The following RXRA variants were observed in gnomAD, a reference collection of about 807,000 sequenced individuals.
The protein encoded by RXRA is retinoic acid receptor RXR-alpha.
RXRA carries 5 observed loss-of-function variants against 44.5 expected under a neutral mutation model. The ratio of observed to expected loss-of-function variants is 0.11; its 90% confidence interval spans 0.06 to 0.24. The LOEUF is 0.24. RXRA is among the 10% of genes least tolerant of loss of function. The pLI is 1.00. For synonymous variants in RXRA, 291 were observed against 271.4 expected (o/e 1.07, Z -0.71); for missense variants, 412 against 646.5 (o/e 0.64, Z 3.93).
chr9:134,404,253 G>A (rs1293458067), intron 2 of RXRA: 2 of 152,336 alleles, frequency 1.3e-5, no homozygotes, highest in Non-Finnish European at 2.9e-5. Flanking sequence ...TGGCCAGGAA[G>A]GGCCTTCCAT....
chr9:134,384,655 A>G (rs967732269), intron 1 of RXRA, among the ~76,000 whole-genome samples: 1 of 152,094 alleles, frequency 6.6e-6, no homozygotes, highest in African/African-American at 2.4e-5. Context: ...CTGGAGGAAG[A>G]GGCTGCGGTG....
chr9:134,399,212 T>C (rs1013174587), intron 1 of RXRA, among the ~76,000 whole-genome samples: 5 of 152,234 alleles, frequency 3.3e-5, no homozygotes, highest in Admixed American at 2.6e-4. Context: ...GGCAGCCATG[T>C]GGCATTCCCA....
chr9:134,429,352 C>T, intron 7 of RXRA, 112 bp downstream of exon 7: 1 of 1,127,060 alleles, frequency 8.9e-7, no homozygotes. Flanking sequence ...TATTTCAGTG[C>T]ATGAAGGGTG....
chr9:134,396,464 GA>G (rs1484714942), intron 1 of RXRA, among the ~76,000 whole-genome samples: 1 of 152,080 alleles, frequency 6.6e-6, no homozygotes, highest in Non-Finnish European at 1.5e-5. Context: ...GGTGATCCAG[GA>G]AGCTCTGAGG....
intron 1 of RXRA, among the ~76,000 whole-genome samples, chr9:134,362,721 C>A (rs867250075): frequency 2.6e-5 from 4 of 152,230 alleles, no homozygotes; most frequent in Non-Finnish European, 2.9e-5. Flanking sequence ...CCAGCAAGGC[C>A]CCCACGAGTG....
At chr9:134,423,473 G>C in intron 6 of RXRA, 2 of 985,468 alleles carry the variant, frequency 2.0e-6, no homozygotes, top group African/African-American at 3.5e-5. Context: ...GGAATGTTCT[G>C]GAAGTTGCTT....
At chr9:134,344,557 G>T (rs1830126985) in intron 1 of RXRA, among the ~76,000 whole-genome samples, 1 of 152,106 alleles carries the variant, frequency 6.6e-6, no homozygotes, top group South Asian at 2.1e-4. Context: ...CCCAACAGGA[G>T]GTTGGGACGG....
intron 1 of RXRA, among the ~76,000 whole-genome samples, chr9:134,335,324 G>A (rs1554747153): frequency 2.6e-5 from 4 of 152,224 alleles, no homozygotes; most frequent in Admixed American, 2.6e-4. Flanking sequence ...GGGGAGGTCA[G>A]GGAAGCTTCA....
chr9:134,400,077 G>GTGCT (rs1228541442), intron 1 of RXRA, among the ~76,000 whole-genome samples: 1 of 152,268 alleles, frequency 6.6e-6, no homozygotes, highest in Middle Eastern at 3.2e-3. Flanking sequence ...GGTAAGAAGA[G>GTGCT]TGCTGGCTTT....
chr9:134,416,488 G>T (rs1588299120), intron 4 of RXRA, among the ~76,000 whole-genome samples: 1 of 152,208 alleles, frequency 6.6e-6, no homozygotes, highest in Non-Finnish European at 1.5e-5. Context: ...CCTGCATGGG[G>T]CATGGTCGGT....
At position 134,349,634 on chromosome 9, in the gene RXRA, C is replaced by T. The variant is rs1830197292; in HGVS notation, c.28+22975C>T. Among the ~76,000 whole-genome samples the T allele has an allele frequency of 6.6e-6, 1 of 152,192 alleles. No individual in the cohort carries two copies. Among genetic ancestry groups the T allele is most frequent in the African/African-American group, 2.4e-5 (1 of 41,452 alleles). ...CATGAGTGGGTGACATCAGGAGACC[C>T]CGCATCAGGCAAGGTTACCTGTGTG... On this transcript the variant is annotated intron_variant, in intron 1 of 9. Transcript: ENST00000481739. The surrounding 1 kb of genome is among the most constrained non-coding windows in gnomAD (Gnocchi z 4.3).
chr9:134,434,317 GC>G, intron 9 of RXRA, 110 bp downstream of exon 9: 1 of 761,374 alleles, frequency 1.3e-6, no homozygotes, highest in Non-Finnish European at 2.2e-6. Flanking sequence ...CCCTCCCCAG[GC>G]CCAGCCCATG....
At chr9:134,359,464 C>T (rs766993028) in intron 1 of RXRA, among the ~76,000 whole-genome samples, 3 of 152,184 alleles carry the variant, frequency 2.0e-5, no homozygotes, top group Non-Finnish European at 2.9e-5. Flanking sequence ...TCCTCTCCAC[C>T]GGGTGCGCCC....
At chr9:134,425,072 AG>A (rs1831410105) in intron 6 of RXRA, 2 of 985,446 alleles carry the variant, frequency 2.0e-6, no homozygotes, top group Non-Finnish European at 2.4e-6. Context: ...TTGGCCATGC[AG>A]GTTCAAGGCC....
At chr9:134,399,685 C>T (rs1474552512) in intron 1 of RXRA, among the ~76,000 whole-genome samples, 1 of 152,220 alleles carries the variant, frequency 6.6e-6, no homozygotes, top group African/African-American at 2.4e-5. Flanking sequence ...TTCCTTAAGT[C>T]TGCATTTTTA....
At chr9:134,367,748 G>A (rs1213294667) in intron 1 of RXRA, among the ~76,000 whole-genome samples, 2 of 152,172 alleles carry the variant, frequency 1.3e-5, no homozygotes, top group Non-Finnish European at 2.9e-5. Context: ...GCTCCCCCTC[G>A]GGTGGGGGGT....
rs1182601052 is a variant in RXRA, at chr9:134,440,105, C to A, written c.*3491C>A. On this transcript the variant is annotated 3_prime_UTR_variant, in exon 10 of 10. Transcript: ENST00000481739. ...ATCTGGAAAGGTAAAAAAAAAAAATCTATTTTTGTACAAATGTAATTTTAT... is the reference window on the plus strand; with the variant it reads ...ATCTGGAAAGGTAAAAAAAAAAAATATATTTTTGTACAAATGTAATTTTAT... The A allele has an allele frequency of 2.6e-5, 4 of 152,166 alleles. No individual in the cohort carries two copies. Among genetic ancestry groups the A allele is most frequent in the African/African-American group, 4.8e-5 (2 of 41,428 alleles). 9.4% of individuals were successfully genotyped at this position (152,166 alleles called of 1,614,324 possible). A position where few individuals can be genotyped will look rare whatever the true frequency, so the allele number is the denominator to read the frequency against.
intron 4 of RXRA, among the ~76,000 whole-genome samples, chr9:134,415,109 G>A (rs945924250): frequency 6.6e-6 from 1 of 152,252 alleles, no homozygotes; most frequent in Non-Finnish European, 1.5e-5. Flanking sequence ...TCCTCTGCCT[G>A]GTTGGTGTAT....
chr9:134,328,319 G>A (rs1412828998), intron 1 of RXRA, among the ~76,000 whole-genome samples: 2 of 152,126 alleles, frequency 1.3e-5, no homozygotes, highest in African/African-American at 2.4e-5. Flanking sequence ...CTAATGCTCC[G>A]GGTGGGACAG....
Sources: gnomAD v4.1 joint callset for allele counts (sites outside exome capture counted in the v4.1 genomes callset) on GRCh38, gnomAD v4.1.1 for gene constraint, Gnocchi (gnomAD v3.1) non-coding constraint, MANE v1.5 for transcripts, NCBI Gene and HGNC (gene_info 2026-07-23, HGNC 2026-07-21) for gene names.